Variants in CFAP61 observed in about 807,000 individuals in gnomAD.
CFAP61 encodes cilia- and flagella-associated protein 61.
CFAP61 carries 107 observed loss-of-function variants against 135.6 expected under a neutral mutation model. The observed-to-expected ratio is 0.79, with a 90% CI of 0.67 to 0.93. The LOEUF is 0.93. CFAP61 is among the 40% of genes least tolerant of loss of function. The pLI, the probability that CFAP61 is intolerant of heterozygous loss-of-function variation, is 0.00. For synonymous variants in CFAP61, 575 were observed against 578.5 expected, an observed-to-expected ratio of 0.99 and a Z score of 0.09; for missense variants, 1,507 against 1,556.2, an observed-to-expected ratio of 0.97 and a Z score of 0.53.
At chr20:20,269,152 C>CATATATGTAT (rs1357943800) in intron 21 of CFAP61, among the ~76,000 whole-genome samples, 20 of 89,532 alleles carry the variant, frequency 2.2e-4, no homozygotes, top group Admixed American at 1.1e-3. Context: ...TATATACACA[C>CATATATGTAT]ACACACACAC....
rs1454101235 is a variant in CFAP61, at chr20:20,228,231, T to C, written c.1933-18T>C. The C allele has an allele frequency of 6.9e-6, 11 of 1,590,370 alleles. No individual in the cohort carries two copies. On this transcript the variant is annotated intron_variant, in intron 17 of 26. Coordinates refer to ENST00000245957, the MANE Select transcript of CFAP61 (RefSeq NM_015585.4). ...CGTTTTCTTTGACTCCTTCTTTGTC[T>C]TCGTATTTTTTTTCCAGATGAGTTA...
chr20:20,257,620 C>CAAAAAAAAAAA (rs147860452), intron 20 of CFAP61, among the ~76,000 whole-genome samples: 1 of 58,210 alleles, frequency 1.7e-5, no homozygotes. Flanking sequence ...TCAAAAAAAA[C>CAAAAAAAAAAA]AAAAAAACAA....
At chr20:20,267,452 C>CA (rs2052860450) in intron 21 of CFAP61, 1 of 152,582 alleles carries the variant, frequency 6.6e-6, no homozygotes, top group Admixed American at 6.5e-5. Flanking sequence ...TCTGTAGTAC[C>CA]CATGCCAGCA....
intron 26 of CFAP61, among the ~76,000 whole-genome samples, chr20:20,355,229 A>C (rs1354459667): frequency 3.8e-5 from 3 of 78,226 alleles, no homozygotes; most frequent in East Asian, 4.9e-4. Context: ...TGATCACACT[A>C]AGGGGAGGTG....
intron 8 of CFAP61, among the ~76,000 whole-genome samples, chr20:20,106,327 T>G (rs2146657176): frequency 6.6e-6 from 1 of 152,266 alleles, no homozygotes; most frequent in Admixed American, 6.5e-5. Flanking sequence ...ATTCTCCATC[T>G]TAATTCCAAA....
intron 8 of CFAP61, 97 bp from the exon 9 acceptor site, chr20:20,142,760 G>T (rs900668758): frequency 5.6e-6 from 4 of 710,724 alleles, no homozygotes; most frequent in African/African-American, 1.8e-5. Context: ...TAGATCCATT[G>T]TAGTCTAAAA....
At chr20:20,190,612 A>G (rs367793539) in intron 14 of CFAP61, among the ~76,000 whole-genome samples, 1 of 152,098 alleles carries the variant, frequency 6.6e-6, no homozygotes, top group South Asian at 2.1e-4. Context: ...CCACAATTGT[A>G]TCAATGTTGG....
intron 17 of CFAP61, chr20:20,225,977 G>A (rs1450887055): frequency 1.3e-5 from 2 of 152,146 alleles, no homozygotes; most frequent in Non-Finnish European, 2.9e-5. Flanking sequence ...CAGAACTGAC[G>A]TTTATTTGAA....
At chr20:20,053,011 A>G (rs1412555884) in intron 1 of CFAP61, among the ~76,000 whole-genome samples, 4 of 152,206 alleles carry the variant, frequency 2.6e-5, no homozygotes, top group Non-Finnish European at 5.9e-5. Context: ...AAAAATATAA[A>G]TAGAGTAACT....
intron 8 of CFAP61, among the ~76,000 whole-genome samples, chr20:20,100,739 A>G (rs2047962413): frequency 6.6e-6 from 1 of 152,192 alleles, no homozygotes; most frequent in Non-Finnish European, 1.5e-5. Context: ...GAATGAATGG[A>G]AAATTCCTTA....
intron 18 of CFAP61, among the ~76,000 whole-genome samples, chr20:20,245,369 G>A (rs748236738): frequency 6.6e-6 from 1 of 152,204 alleles, no homozygotes; most frequent in Non-Finnish European, 1.5e-5. Flanking sequence ...ATGGTGGAAG[G>A]CAAAGAGGAA....
At chr20:20,337,500 G>T (rs796534158) in intron 25 of CFAP61, among the ~76,000 whole-genome samples, 1 of 9,766 alleles carries the variant, frequency 1.0e-4, no homozygotes, top group Non-Finnish European at 4.0e-4. Context: ...ATAGATGGGT[G>T]GATGGATAAA....
At chr20:20,174,940 C>A (rs982908266) in intron 13 of CFAP61, among the ~76,000 whole-genome samples, 2 of 152,190 alleles carry the variant, frequency 1.3e-5, no homozygotes, top group Admixed American at 6.5e-5. Flanking sequence ...TTTCTGTCCC[C>A]GCGTCCCCAT....
At chr20:20,111,890 A>G (rs1176225723) in intron 8 of CFAP61, among the ~76,000 whole-genome samples, 1 of 152,140 alleles carries the variant, frequency 6.6e-6, no homozygotes, top group Non-Finnish European at 1.5e-5. Flanking sequence ...TAAGGTTAGT[A>G]GTTTTTTATG....
intron 8 of CFAP61, among the ~76,000 whole-genome samples, chr20:20,117,563 G>A (rs1274450301): frequency 3.3e-5 from 5 of 151,936 alleles, no homozygotes; most frequent in African/African-American, 1.2e-4. Flanking sequence ...ATTGCTTTGG[G>A]TATTCAGGGT....
At chr20:20,069,248 G>T (rs1568824614) in intron 2 of CFAP61, among the ~76,000 whole-genome samples, 2 of 152,150 alleles carry the variant, frequency 1.3e-5, no homozygotes, top group African/African-American at 4.8e-5. Flanking sequence ...AAATAGTATA[G>T]GTTGTGAGAT....
At chr20:20,056,269 TC>T (rs976853171) in intron 1 of CFAP61, among the ~76,000 whole-genome samples, 1 of 152,218 alleles carries the variant, frequency 6.6e-6, no homozygotes, top group Non-Finnish European at 1.5e-5. Flanking sequence ...CCCCAGTAAC[TC>T]TTCACCACAT....
chr20:20,151,654 G>A (rs1180379127), intron 9 of CFAP61, among the ~76,000 whole-genome samples: 4 of 151,704 alleles, frequency 2.6e-5, no homozygotes, highest in Admixed American at 6.6e-5. Flanking sequence ...GTGAAACCCC[G>A]TCTCTACTAA....
chr20:20,271,249 T>C (rs2053319076), intron 21 of CFAP61, among the ~76,000 whole-genome samples: 1 of 152,048 alleles, frequency 6.6e-6, no homozygotes, highest in Non-Finnish European at 1.5e-5. Flanking sequence ...TGAGCTATGG[T>C]TGTGCACTAC....
Sources: allele counts gnomAD v4.1 joint callset (sites outside exome capture counted in the v4.1 genomes callset), GRCh38; gene constraint gnomAD v4.1.1; transcripts MANE v1.5; gene names NCBI Gene and HGNC (gene_info 2026-07-23, HGNC 2026-07-21).